CYRIA: variants seen among roughly 807,000 people sequenced by gnomAD.
The protein encoded by CYRIA is CYFIP related Rac1 interactor A.
Under a neutral mutation model 43.9 loss-of-function variants are expected in CYRIA, and 15 were observed. The observed-to-expected ratio is 0.34, with a 90% CI of 0.23 to 0.53. The LOEUF (loss-of-function observed/expected upper bound fraction) is 0.53. CYRIA is among the 20% of genes least tolerant of loss of function. The pLI is 0.94. For missense variants in CYRIA, 236 were observed against 394.2 expected (o/e 0.60, Z 3.40); for synonymous variants, 117 against 136.0 (o/e 0.86, Z 0.97).
chr2:16,571,365 C>T (rs1464413565), intron 3 of CYRIA, among the ~76,000 whole-genome samples: 1 of 152,142 alleles, frequency 6.6e-6, no homozygotes, highest in African/African-American at 2.4e-5. Context: ...CTCCTTGATG[C>T]TAATGGAGAA....
intron 3 of CYRIA, among the ~76,000 whole-genome samples, chr2:16,575,534 A>T (rs1260271020): frequency 6.6e-6 from 1 of 152,102 alleles, no homozygotes; most frequent in Non-Finnish European, 1.5e-5. Flanking sequence ...ATAGTGAAAA[A>T]GTCTCACAAG....
chr2:16,612,758 C>T lies in CYRIA; in HGVS notation c.-11+11106G>A, dbSNP rs115901678. ...AAAATAGCAATGTCTCCCCACCAAG[C>T]GGAGGTGGATGCTCATTTTATGGAA... is the stretch of plus-strand genomic sequence containing the variant. On this transcript the variant is annotated intron_variant, in intron 2 of 11. Transcript: ENST00000381323. 1.3e-3 allele frequency among the ~76,000 whole-genome samples: 198 copies of T among 152,264 alleles called. 1 individual carries two copies. Among genetic ancestry groups the T allele is most frequent in the Middle Eastern group, 6.8e-3 (2 of 294 alleles).
intron 1 of CYRIA, among the ~76,000 whole-genome samples, chr2:16,659,228 C>A (rs1670188020): frequency 6.6e-6 from 1 of 152,216 alleles, no homozygotes; most frequent in Non-Finnish European, 1.5e-5. Context: ...ATGCTCCTCA[C>A]ATATGCACAG....
intron 2 of CYRIA, among the ~76,000 whole-genome samples, chr2:16,617,813 G>A (rs879665385): frequency 2.6e-5 from 4 of 152,194 alleles, no homozygotes; most frequent in Non-Finnish European, 4.4e-5. Context: ...TTTGGGAGTT[G>A]GGTATCTTAA....
chr2:16,587,927 G>GAT (rs1220843701), intron 3 of CYRIA, 123 bp downstream of exon 3: 2 of 635,708 alleles, frequency 3.1e-6, no homozygotes, highest in Non-Finnish European at 5.5e-6. Flanking sequence ...CATGAGAACA[G>GAT]ACTAATACAG....
intron 1 of CYRIA, among the ~76,000 whole-genome samples, chr2:16,662,253 C>T (rs540741371): frequency 1.3e-5 from 2 of 152,254 alleles, no homozygotes; most frequent in South Asian, 4.1e-4. Context: ...AGCTTTGTAC[C>T]ATGGTTTTAA....
In CYRIA at chr2:16,551,118, A is replaced by T. The variant is rs1219258214; in HGVS notation, c.*1818T>A. On this transcript the variant is annotated 3_prime_UTR_variant, in exon 12 of 12. Transcript: ENST00000381323. ...GGAAAAGAGCCTTTTCCTTCTGTTG[A>T]CTAATGTTTAGATGCAGACCAGGGA... 2 of 152,230 alleles carry T rather than the reference A, an allele frequency of 1.3e-5. No homozygotes were observed. Among genetic ancestry groups the T allele is most frequent in the South Asian group, 4.1e-4 (2 of 4,826 alleles). The allele number at this position is 152,230 out of a possible 1,614,324, so 9.4% of individuals were successfully genotyped here. A position where few individuals can be genotyped will look rare whatever the true frequency, so the allele number is the denominator to read the frequency against.
intron 2 of CYRIA, among the ~76,000 whole-genome samples, chr2:16,615,917 A>G (rs1668770115): frequency 6.6e-6 from 1 of 152,220 alleles, no homozygotes; most frequent in African/African-American, 2.4e-5. Flanking sequence ...CGCCCTCCAC[A>G]GGCCCAGGGT....
chr2:16,584,366 A>G (rs1479892072), intron 3 of CYRIA, among the ~76,000 whole-genome samples: 1 of 152,148 alleles, frequency 6.6e-6, no homozygotes, highest in Non-Finnish European at 1.5e-5. Context: ...TCATGGGTTA[A>G]GTGCTGAGTC....
rs773381451 is a variant in CYRIA, at chr2:16,555,025, A to C, written c.908+44T>G. 7 of 1,554,764 alleles carry C rather than the reference A, an allele frequency of 4.5e-6. No homozygotes were observed. The East Asian group carries it at 1.4e-4, about 30-fold the overall frequency. ...GTATTTAAATTTGCAATGGCCCTGA[A>C]AGGCTGGCTGTTCCCTGTGAGCTGA... On this transcript the variant is annotated intron_variant, in intron 11 of 11. Coordinates refer to ENST00000381323, the MANE Select transcript of CYRIA (RefSeq NM_030797.4).
At chr2:16,621,338 A>C (rs1668987704) in intron 2 of CYRIA, among the ~76,000 whole-genome samples, 3 of 152,156 alleles carry the variant, frequency 2.0e-5, no homozygotes, top group African/African-American at 7.2e-5. Context: ...TGTTTACATC[A>C]ACCTACTTTA....
chr2:16,554,979 A>T, intron 11 of CYRIA, 90 bp downstream of exon 11: 1 of 901,464 alleles, frequency 1.1e-6, no homozygotes, highest in South Asian at 1.7e-5. Flanking sequence ...GCAAGGGTTA[A>T]GTTTGGTGCT....
intron 3 of CYRIA, among the ~76,000 whole-genome samples, chr2:16,576,939 C>A (rs1667373429): frequency 6.6e-6 from 1 of 152,052 alleles, no homozygotes; most frequent in Admixed American, 6.5e-5. Flanking sequence ...TGCATGATTC[C>A]ACTTACATGA....
At chr2:16,587,253 T>C (rs137926288) in intron 3 of CYRIA, among the ~76,000 whole-genome samples, 1 of 152,314 alleles carries the variant, frequency 6.6e-6, no homozygotes, top group African/African-American at 2.4e-5. Context: ...ATTTGTTTTA[T>C]ATGAATCTTT....
chr2:16,569,367 C>T (rs560924442), intron 3 of CYRIA, among the ~76,000 whole-genome samples: 1 of 152,304 alleles, frequency 6.6e-6, no homozygotes, highest in South Asian at 2.1e-4. Flanking sequence ...TGTGGTTTAG[C>T]AGTGGTGGGA....
intron 1 of CYRIA, among the ~76,000 whole-genome samples, chr2:16,646,608 T>G (rs1669826770): frequency 6.6e-6 from 1 of 152,192 alleles, no homozygotes. Flanking sequence ...TCATAAAAAA[T>G]GGTATTTGTG....
At chr2:16,591,019 C>T (rs75216288) in intron 2 of CYRIA, among the ~76,000 whole-genome samples, 2,579 of 152,148 alleles carry the variant, frequency 0.017, 89 homozygotes, top group African/African-American at 0.06. Flanking sequence ...CTTGGAAAGG[C>T]CTCTCATCCA....
intron 2 of CYRIA, among the ~76,000 whole-genome samples, chr2:16,613,250 T>C (rs2103494236): frequency 6.6e-6 from 1 of 152,338 alleles, no homozygotes; most frequent in East Asian, 1.9e-4. Flanking sequence ...AGGTATTTAC[T>C]GCCTCCACCT....
rs117510943 is a variant in CYRIA, at chr2:16,589,992, G to C, written c.-10-1863C>G. On this transcript the variant is annotated intron_variant, in intron 2 of 11. Coordinates refer to ENST00000381323, the MANE Select transcript of CYRIA (RefSeq NM_030797.4). ...ACAGCGTTGGAAAAATGAATTATGT[G>C]TGGGGCAGAAGGCTGGGCTAGACGC... Among the ~76,000 whole-genome samples the C allele has an allele frequency of 7.1e-4, 108 of 152,132 alleles. 1 individual carries two copies. The East Asian group carries it at 0.016, about 23-fold the overall frequency.
Sources: gnomAD v4.1 joint callset for allele counts (sites outside exome capture counted in the v4.1 genomes callset) on GRCh38, gnomAD v4.1.1 for gene constraint, MANE v1.5 for transcripts, NCBI Gene and HGNC (gene_info 2026-07-23, HGNC 2026-07-21) for gene names.